The following MED12L variants were observed in gnomAD, a reference collection of about 807,000 sequenced individuals.
The protein encoded by MED12L is mediator complex subunit 12L.
Under a neutral mutation model 281.3 loss-of-function variants are expected in MED12L, and 60 were observed. That is an observed-to-expected ratio of 0.21 (90% CI 0.17 to 0.26). MED12L has a LOEUF of 0.26. Among genes scored for constraint, MED12L ranks in the 10% least tolerant of loss-of-function variants. The pLI, the probability that MED12L is intolerant of heterozygous loss-of-function variation, is 1.00. For synonymous variants in MED12L, 974 were observed against 987.2 expected, an observed-to-expected ratio of 0.99 and a Z score of 0.25; for missense variants, 2,146 against 2,680.9, an observed-to-expected ratio of 0.80 and a Z score of 4.41.
In MED12L at chr3:151,435,617, A is replaced by ATAAT. The variant is rs1720067535; in HGVS notation, c.*2815_*2818dup. 3.4e-5 allele frequency: 2 copies of ATAAT among 59,436 alleles called. No individual in the cohort carries two copies. The highest frequency in any genetic ancestry group is 1.8e-4 in the Admixed American group (1 of 5,692). 3.7% of individuals were successfully genotyped at this position (59,436 alleles called of 1,614,324 possible). A position where few individuals can be genotyped will look rare whatever the true frequency, so the allele number is the denominator to read the frequency against. ...TTTTTTTCCCATTTATAAAGCTCCT[A>ATAAT]TAATTCTTAAGTAAGTACTAGGTGA... On this transcript the variant is annotated 3_prime_UTR_variant, in exon 45 of 45. Transcript: ENST00000687756.
chr3:151,164,834 A>G (rs1042571342), intron 9 of MED12L, among the ~76,000 whole-genome samples: 2 of 151,752 alleles, frequency 1.3e-5, no homozygotes, highest in Non-Finnish European at 2.9e-5. Context: ...GGGGAACATC[A>G]CACACCGGGG....
chr3:151,370,612 C>T (rs1039134429), intron 26 of MED12L, among the ~76,000 whole-genome samples: 1 of 152,098 alleles, frequency 6.6e-6, no homozygotes, highest in Non-Finnish European at 1.5e-5. Context: ...ACATTAAGTG[C>T]TCATTTCAGT....
chr3:151,156,465 T>C, intron 6 of MED12L, 135 bp downstream of exon 6: 2 of 788,008 alleles, frequency 2.5e-6, no homozygotes, highest in Non-Finnish European at 1.9e-6. Flanking sequence ...CTGACATTTC[T>C]CACATCGAAT....
In MED12L at chr3:151,377,173, C is replaced by A; in HGVS notation, c.4311C>A (p.Phe1437Leu). 1 of 1,605,256 alleles carries A rather than the reference C, an allele frequency of 6.2e-7. No homozygotes were observed. The highest frequency in any genetic ancestry group is 8.5e-7 in the Non-Finnish European group (1 of 1,176,912). ...SSTRQNGIKT[F>L]LSSSERRGVW... ...CGAGACAGAATGGAATAAAGACATT[C>A]CTAAGGTATTTTTGTCTGTTGTTTT... The change falls in exon 30 of 45, where the codon TTC (phenylalanine) becomes TTA (leucine). Residue 1437 changes from phenylalanine to leucine, a missense_variant. Around this residue, in one of 9 missense-constraint regions of MED12L, gnomAD observed 235 missense variants for 260.3 expected, o/e 0.90. Transcript: ENST00000687756.
In MED12L at chr3:151,259,263, T is replaced by G. The variant is rs1414452320; in HGVS notation, c.2250+65597T>G. On this transcript the variant is annotated intron_variant, in intron 16 of 44. Coordinates refer to ENST00000687756, the MANE Select transcript of MED12L (RefSeq NM_001393769.1). ...AGGTGCTATCAACCTCTGGCTTTCC[T>G]TCAGAAATAGGCACTCCTTTTGAAC... Among the ~76,000 whole-genome samples, 5 of 152,222 alleles carry G rather than the reference T, an allele frequency of 3.3e-5. No homozygotes were observed. The East Asian group carries it at 7.7e-4, about 23-fold the overall frequency.
chr3:151,178,499 G>A (rs1012873015), intron 11 of MED12L, among the ~76,000 whole-genome samples: 32 of 152,302 alleles, frequency 2.1e-4, no homozygotes, highest in South Asian at 1.4e-3. Context: ...CACACAAAAG[G>A]CCATTGTGTA....
chr3:151,141,187 G>GTTTTTTTGTTTTTTTTT (rs376743895), intron 5 of MED12L, among the ~76,000 whole-genome samples: 18 of 99,114 alleles, frequency 1.8e-4, no homozygotes, highest in East Asian at 3.6e-4. Flanking sequence ...TGTTTTTTTT[G>GTTTTTTTGTTTTTTTTT]TTTTTTTTTT....
chr3:151,426,346 G>C (rs1402662567), intron 43 of MED12L, among the ~76,000 whole-genome samples: 5 of 152,210 alleles, frequency 3.3e-5, no homozygotes, highest in Non-Finnish European at 7.3e-5. Context: ...CTTCACAGGA[G>C]GGGTTCAGTT....
intron 16 of MED12L, among the ~76,000 whole-genome samples, chr3:151,334,444 G>A (rs1282434687): frequency 1.3e-5 from 2 of 151,490 alleles, no homozygotes; most frequent in African/African-American, 4.8e-5. Context: ...TTTGTAAAAG[G>A]TTTTTTTCCA....
chr3:151,117,266 C>A (rs1170999867), intron 3 of MED12L, among the ~76,000 whole-genome samples: 1 of 152,036 alleles, frequency 6.6e-6, no homozygotes, highest in East Asian at 1.9e-4. Flanking sequence ...CAGTAGGGGC[C>A]CCGCTAACCT....
chr3:151,206,001 C>T (rs1726294969), intron 16 of MED12L, among the ~76,000 whole-genome samples: 1 of 152,182 alleles, frequency 6.6e-6, no homozygotes, highest in East Asian at 1.9e-4. Context: ...TCTGCCACAG[C>T]CTGTGCAACT....
intron 2 of MED12L, among the ~76,000 whole-genome samples, chr3:151,109,367 T>A (rs1030848507): frequency 1.3e-5 from 2 of 152,238 alleles, no homozygotes; most frequent in Non-Finnish European, 2.9e-5. Flanking sequence ...TTGTTATCAG[T>A]GTAGAATACA....
At chr3:151,264,355 T>C (rs1739445373) in intron 16 of MED12L, among the ~76,000 whole-genome samples, 1 of 152,256 alleles carries the variant, frequency 6.6e-6, no homozygotes, top group Admixed American at 6.5e-5. Context: ...ATCTTTTAAA[T>C]GGAAGAACTG....
At chr3:151,327,768 C>T (rs1475592023) in intron 16 of MED12L, 23 of 373,904 alleles carry the variant, frequency 6.2e-5, no homozygotes, top group Non-Finnish European at 9.5e-5. Context: ...GAAATAATGA[C>T]CTCTAGTGGC....
intron 16 of MED12L, among the ~76,000 whole-genome samples, chr3:151,298,121 T>G (rs1532203): frequency 0.017 from 2,538 of 152,356 alleles, 182 homozygotes; most frequent in East Asian, 0.15. Context: ...TAAGTTTATA[T>G]CACATTCTTT....
chr3:151,363,978 G>T (rs1339986854), intron 21 of MED12L, among the ~76,000 whole-genome samples: 5 of 151,980 alleles, frequency 3.3e-5, no homozygotes, highest in Non-Finnish European at 7.4e-5. Context: ...GGCTGCCATT[G>T]ATGCAAGTAT....
intron 11 of MED12L, among the ~76,000 whole-genome samples, chr3:151,169,022 A>G (rs1002982925): frequency 6.6e-6 from 1 of 150,788 alleles, no homozygotes; most frequent in Admixed American, 6.6e-5. Flanking sequence ...TGTATGGTAT[A>G]TGCATCAAGG....
At chr3:151,175,024 T>C (rs988832968) in intron 11 of MED12L, among the ~76,000 whole-genome samples, 1 of 152,240 alleles carries the variant, frequency 6.6e-6, no homozygotes, top group African/African-American at 2.4e-5. Context: ...TTATAAAAAA[T>C]GAATACCATT....
chr3:151,432,665 G>C (rs933813581), intron 44 of MED12L, 87 bp from the exon 45 acceptor site: 1 of 935,952 alleles, frequency 1.1e-6, no homozygotes, highest in Non-Finnish European at 1.7e-6. Context: ...CCTGCAGCTG[G>C]TACTGAGAGC....
Sources: allele counts gnomAD v4.1 joint callset (sites outside exome capture counted in the v4.1 genomes callset), GRCh38; gene constraint gnomAD v4.1.1; regional missense constraint gnomAD v4.1.1; transcripts MANE v1.5; gene names NCBI Gene and HGNC (gene_info 2026-07-23, HGNC 2026-07-21).